The following RAPH1 variants were observed in gnomAD, a reference collection of about 807,000 sequenced individuals.
The protein encoded by RAPH1 is Ras association (RalGDS/AF-6) and pleckstrin homology domains 1.
RAPH1 carries 18 observed loss-of-function variants against 88.1 expected under a neutral mutation model. The ratio of observed to expected loss-of-function variants is 0.20; its 90% CI spans 0.14 to 0.30. The LOEUF (loss-of-function observed/expected upper bound fraction) is 0.30, where lower values mean the gene tolerates loss of function less well. Ranked by LOEUF, RAPH1 falls within the 10% of genes least tolerant of loss-of-function variation. The pLI, the probability that RAPH1 is intolerant of heterozygous loss-of-function variation, is 1.00. For synonymous variants in RAPH1, 587 were observed against 559.0 expected (o/e 1.05, Z -0.71); for missense variants, 1,448 against 1,543.2 (o/e 0.94, Z 1.03).
At chr2:203,502,819 C>CAA (rs745644429) in intron 1 of RAPH1, among the ~76,000 whole-genome samples, 3 of 97,752 alleles carry the variant, frequency 3.1e-5, no homozygotes, top group Admixed American at 2.3e-4. Context: ...GACTCCGTCC[C>CAA]AAAAAAAAAA....
At chr2:203,459,568 C>CA (rs2098522712) in intron 7 of RAPH1, among the ~76,000 whole-genome samples, 1 of 152,116 alleles carries the variant, frequency 6.6e-6, no homozygotes, top group Non-Finnish European at 1.5e-5. Flanking sequence ...GATGAGATGA[C>CA]AAACTCACCA....
intron 1 of RAPH1, among the ~76,000 whole-genome samples, chr2:203,520,813 A>C (rs1298394161): frequency 6.6e-6 from 1 of 152,150 alleles, no homozygotes; most frequent in African/African-American, 2.4e-5. Flanking sequence ...TATATTCCTC[A>C]TCACTTTGGA....
intron 2 of RAPH1, among the ~76,000 whole-genome samples, chr2:203,494,063 T>G (rs1251284620): frequency 6.7e-6 from 1 of 150,374 alleles, no homozygotes; most frequent in Non-Finnish European, 1.5e-5. Context: ...CAAAGATGTC[T>G]GCCTTTCAAA....
At chr2:203,514,797 AC>A (rs1200151427) in intron 1 of RAPH1, among the ~76,000 whole-genome samples, 1 of 151,212 alleles carries the variant, frequency 6.6e-6, no homozygotes, top group Non-Finnish European at 1.5e-5. Context: ...CTCATGATCC[AC>A]CCGCCTCAGC....
intron 1 of RAPH1, among the ~76,000 whole-genome samples, chr2:203,527,072 C>G (rs190640057): frequency 6.6e-6 from 1 of 152,122 alleles, no homozygotes; most frequent in Non-Finnish European, 1.5e-5. Flanking sequence ...GCGTGAGCCA[C>G]CGTGCTTGGC....
At chr2:203,496,190 C>G (rs1688505801) in intron 1 of RAPH1, among the ~76,000 whole-genome samples, 1 of 151,936 alleles carries the variant, frequency 6.6e-6, no homozygotes, top group Non-Finnish European at 1.5e-5. Flanking sequence ...AAAACCCCGT[C>G]TCTACTAAAA....
At chr2:203,489,139 GA>G (rs11310042) in intron 4 of RAPH1, among the ~76,000 whole-genome samples, 93,514 of 145,212 alleles carry the variant, frequency 0.64, 29,761 homozygotes, top group Middle Eastern at 0.77. Flanking sequence ...CCATCTCAAA[GA>G]AAAAAAAAGG....
chr2:203,524,206 A>G (rs1690017987), intron 1 of RAPH1, among the ~76,000 whole-genome samples: 1 of 152,186 alleles, frequency 6.6e-6, no homozygotes, highest in Admixed American at 6.5e-5. Flanking sequence ...ATCAATAATA[A>G]TCAGCGAAAG....
In RAPH1 at chr2:203,441,086, G is replaced by A; in HGVS notation, c.2104C>T (p.Leu702=). Residue 702 remains leucine, a synonymous_variant, in exon 14 of 14, where the codon CTG becomes TTG. Transcript: ENST00000319170. ...MQSQSVKPQI[L]VPPNGVVPPP... The stretch of plus-strand genomic sequence containing the variant: ...GGAACAACTCCATTGGGGGGTACCA[G>A]GATCTGAGGCTTCACTGACTGTGAC... The A allele has an allele frequency of 6.2e-7, 1 of 1,600,138 alleles. No homozygotes were observed. The highest frequency in any genetic ancestry group is 8.5e-7 in the Non-Finnish European group (1 of 1,170,798).
At chr2:203,449,977 C>T (rs1338783535) in intron 10 of RAPH1, among the ~76,000 whole-genome samples, 2 of 149,458 alleles carry the variant, frequency 1.3e-5, no homozygotes, top group African/African-American at 2.5e-5. Flanking sequence ...GAGCCAAGAT[C>T]GTGCCACCGC....
intron 1 of RAPH1, among the ~76,000 whole-genome samples, chr2:203,503,011 G>A (rs1688807518): frequency 6.6e-6 from 1 of 151,778 alleles, no homozygotes; most frequent in Non-Finnish European, 1.5e-5. Flanking sequence ...GTAGTGGCTG[G>A]CAGGCACCTG....
intron 4 of RAPH1, among the ~76,000 whole-genome samples, chr2:203,484,193 A>T (rs1350492570): frequency 6.6e-6 from 1 of 152,170 alleles, no homozygotes. Context: ...AAAGATACCT[A>T]TATTTCCTTA....
intron 4 of RAPH1, among the ~76,000 whole-genome samples, chr2:203,488,506 T>C (rs1386187114): frequency 7.1e-6 from 1 of 141,670 alleles, no homozygotes; most frequent in Non-Finnish European, 1.5e-5. Flanking sequence ...GGAGAATCAC[T>C]TAACCCGGGA....
chr2:203,442,739 T>TC (rs1439724124), intron 13 of RAPH1: 4 of 152,244 alleles, frequency 2.6e-5, no homozygotes, highest in African/African-American at 9.6e-5. Flanking sequence ...ACAGCAGGGT[T>TC]CCTACTCTTC....
At position 203,447,300 on chromosome 2, in the gene RAPH1, G is replaced by A. The variant is rs2098510845; in HGVS notation, c.1633+659C>T. On this transcript the variant is annotated intron_variant, in intron 12 of 13. Transcript: ENST00000319170. ...AGAAACCTCTATGATCTAGGGACTG[G>A]GTATTCTCATTGTTCCTGGGGTATC... 2.6e-5 allele frequency: 4 copies of A among 151,550 alleles called. No individual in the cohort carries two copies. The South Asian group carries it at 8.3e-4, about 32-fold the overall frequency. The allele number at this position is 151,550 out of a possible 1,614,324, so 9.4% of individuals were successfully genotyped here.
At chr2:203,495,983 T>C (rs1688491804) in intron 1 of RAPH1, among the ~76,000 whole-genome samples, 1 of 152,214 alleles carries the variant, frequency 6.6e-6, no homozygotes, top group Admixed American at 6.5e-5. Context: ...AACTTCTAAA[T>C]CCAGATCCAA....
intron 8 of RAPH1, 49 bp from the exon 9 acceptor site, chr2:203,455,629 G>C (rs2098518735): frequency 6.4e-7 from 1 of 1,572,324 alleles, no homozygotes; most frequent in African/African-American, 1.4e-5. Context: ...TGGATTCTCA[G>C]AACAAAGTTG....
chr2:203,480,161 A>G (rs1366102227), intron 4 of RAPH1, among the ~76,000 whole-genome samples: 1 of 152,252 alleles, frequency 6.6e-6, no homozygotes, highest in African/African-American at 2.4e-5. Context: ...GTTATGAATC[A>G]CTACTTTCTT....
At chr2:203,455,115 G>A (rs1207008100) in intron 9 of RAPH1, among the ~76,000 whole-genome samples, 1 of 152,074 alleles carries the variant, frequency 6.6e-6, no homozygotes, top group Non-Finnish European at 1.5e-5. Flanking sequence ...AGATAAAAAA[G>A]CCTGTAATCC....
Sources: gnomAD v4.1 joint callset for allele counts (sites outside exome capture counted in the v4.1 genomes callset) on GRCh38, gnomAD v4.1.1 for gene constraint, MANE v1.5 for transcripts, NCBI Gene and HGNC (gene_info 2026-07-23, HGNC 2026-07-21) for gene names.